The following KRAS variants were observed in gnomAD, a reference collection of about 807,000 sequenced individuals.
The protein encoded by KRAS is GTPase KRas.
In KRAS, 1 loss-of-function variant was observed where a neutral mutation model predicts 21.0. That is an observed-to-expected ratio of 0.05 (90% CI 0.02 to 0.23). The LOEUF (loss-of-function observed/expected upper bound fraction) is 0.23, where lower values mean the gene tolerates loss of function less well. Ranked by LOEUF, KRAS falls within the 10% of genes least tolerant of loss-of-function variation. KRAS has a pLI of 1.00. For synonymous variants in KRAS, 67 were observed against 72.5 expected, an observed-to-expected ratio of 0.92 and a Z score of 0.39; for missense variants, 107 against 221.8, an observed-to-expected ratio of 0.48 and a Z score of 3.29.
At chr12:25,231,480 A>G (rs995586354) in intron 2 of KRAS, among the ~76,000 whole-genome samples, 2 of 152,178 alleles carry the variant, frequency 1.3e-5, no homozygotes, top group African/African-American at 2.4e-5. Context: ...CATTTCAGAT[A>G]AAGAATAGTC....
At chr12:25,211,489 T>A (rs907043392) in intron 4 of KRAS, among the ~76,000 whole-genome samples, 8 of 151,988 alleles carry the variant, frequency 5.3e-5, no homozygotes, top group African/African-American at 1.9e-4. Flanking sequence ...GCAGGAGAAT[T>A]GCTGAACCCG....
chr12:25,244,548 C>A (rs1951652131), intron 2 of KRAS, among the ~76,000 whole-genome samples: 1 of 151,986 alleles, frequency 6.6e-6, no homozygotes, highest in African/African-American at 2.4e-5. Context: ...TACTCCATGA[C>A]CTTCAAGGTG....
At chr12:25,236,685 A>G (rs905291516) in intron 2 of KRAS, among the ~76,000 whole-genome samples, 1 of 152,084 alleles carries the variant, frequency 6.6e-6, no homozygotes, top group Non-Finnish European at 1.5e-5. Context: ...AGACTGGGAG[A>G]TGAGCTACGA....
intron 4 of KRAS, among the ~76,000 whole-genome samples, chr12:25,222,766 A>C (rs1388598667): frequency 1.3e-5 from 2 of 152,236 alleles, no homozygotes; most frequent in Non-Finnish European, 2.9e-5. Context: ...TTTTCTGATC[A>C]AATATGAATG....
intron 1 of KRAS, among the ~76,000 whole-genome samples, chr12:25,246,171 T>C (rs78151755): frequency 9.7e-6 from 1 of 102,844 alleles, no homozygotes. Flanking sequence ...AAAAAAAAAA[T>C]CTCTGGGGAA....
chr12:25,240,799 C>A (rs1449334567), intron 2 of KRAS, among the ~76,000 whole-genome samples: 1 of 152,104 alleles, frequency 6.6e-6, no homozygotes, highest in Non-Finnish European at 1.5e-5. Context: ...AAAACCATGA[C>A]CAGTAAAGTT....
intron 2 of KRAS, chr12:25,235,236 A>C: frequency 1.8e-6 from 1 of 564,706 alleles, no homozygotes; most frequent in Non-Finnish European, 3.4e-6. Flanking sequence ...CCTGTAGGAA[A>C]AGATGAGAAA....
intron 1 of KRAS, 72 bp downstream of exon 1, chr12:25,250,679 C>G (rs1012945244): frequency 5.6e-6 from 1 of 176,998 alleles, no homozygotes; most frequent in Admixed American, 6.3e-5. Context: ...CACTCGCCGC[C>G]GGCCCCGCCC....
chr12:25,217,532 T>C (rs1951269540), intron 4 of KRAS, among the ~76,000 whole-genome samples: 1 of 152,120 alleles, frequency 6.6e-6, no homozygotes, highest in South Asian at 2.1e-4. Context: ...CAGTCTTATC[T>C]TATTTTTAAT....
intron 2 of KRAS, among the ~76,000 whole-genome samples, chr12:25,237,124 T>C (rs542793484): frequency 2.0e-5 from 3 of 152,248 alleles, no homozygotes; most frequent in Admixed American, 2.0e-4. Context: ...TATCATCCTG[T>C]GTGGAGGATG....
chr12:25,217,771 G>C (rs1951272235), intron 4 of KRAS, among the ~76,000 whole-genome samples: 1 of 152,138 alleles, frequency 6.6e-6, no homozygotes, highest in African/African-American at 2.4e-5. Flanking sequence ...GCATGAGCCT[G>C]AAGTCCCAGC....
At chr12:25,239,928 G>A (rs181732455) in intron 2 of KRAS, among the ~76,000 whole-genome samples, 126 of 151,900 alleles carry the variant, frequency 8.3e-4, no homozygotes, top group African/African-American at 2.9e-3. Flanking sequence ...ACTCCAGCCT[G>A]GGCAACAGAG....
rs1025469362 is a variant in KRAS, at chr12:25,208,065, T to C, written c.*1730A>G. On this transcript the variant is annotated 3_prime_UTR_variant, in exon 5 of 5. Transcript: ENST00000311936. Reference sequence around the variant, plus strand: ...CCTCTTGCACAATTTTGCCCAAGACTGGCACTGAAGATGGTGTAACATAGG... The same window carrying C: ...CCTCTTGCACAATTTTGCCCAAGACCGGCACTGAAGATGGTGTAACATAGG... 8.6e-5 allele frequency: 20 copies of C among 233,338 alleles called. No homozygotes were observed. The highest frequency in any genetic ancestry group is 3.8e-4 in the African/African-American group (17 of 45,330). 14.5% of individuals were successfully genotyped at this position (233,338 alleles called of 1,614,324 possible). A position where few individuals can be genotyped will look rare whatever the true frequency, so the allele number is the denominator to read the frequency against.
In KRAS at chr12:25,218,956, T is replaced by G. The variant is rs1015807099; in HGVS notation, c.450+6658A>C. On this transcript the variant is annotated intron_variant, in intron 4 of 4. Coordinates refer to ENST00000311936, the MANE Select transcript of KRAS (RefSeq NM_004985.5). ...CTTTTTCTTTTTTTGTTTTTTTTTT[T>G]TGAGATGGAGTCTCGCTCTGCCGCC... Among the ~76,000 whole-genome samples, 167 of 137,372 alleles carry G rather than the reference T, an allele frequency of 1.2e-3. 1 individual carries two copies. The highest frequency in any genetic ancestry group is 2.3e-3 in the Non-Finnish European group (145 of 62,248). The allele number at this position is 137,372 out of a possible 152,430, so 90.1% of individuals were successfully genotyped here. A position where few individuals can be genotyped will look rare whatever the true frequency, so the allele number is the denominator to read the frequency against.
In KRAS at chr12:25,209,925, A is replaced by T; in HGVS notation, c.451-14T>A. ...ATCATCAACACCCTGAAATACATAAAAAGTATTAAAATGTGAATATATACG... is the reference window on the plus strand; with the variant it reads ...ATCATCAACACCCTGAAATACATAATAAGTATTAAAATGTGAATATATACG... On this transcript the variant is annotated splice_polypyrimidine_tract_variant and intron_variant, in intron 4 of 4. Coordinates refer to ENST00000311936, the MANE Select transcript of KRAS (RefSeq NM_004985.5). 6.3e-7 allele frequency: 1 copy of T among 1,591,390 alleles called. No homozygotes were observed. The highest frequency in any genetic ancestry group is 1.4e-5 in the African/African-American group (1 of 73,960).
chr12:25,240,068 C>A (rs1951592063), intron 2 of KRAS, among the ~76,000 whole-genome samples: 1 of 152,062 alleles, frequency 6.6e-6, no homozygotes, highest in Admixed American at 6.6e-5. Flanking sequence ...AAATTTCAAA[C>A]CTATAGAAAA....
At chr12:25,240,104 GC>G (rs1951592478) in intron 2 of KRAS, among the ~76,000 whole-genome samples, 1 of 151,994 alleles carries the variant, frequency 6.6e-6, no homozygotes. Flanking sequence ...ACAGCGAATA[GC>G]CTCAGCCTCC....
chr12:25,231,076 G>GCTGCCACCTCA (rs1267651676), intron 2 of KRAS, among the ~76,000 whole-genome samples: 1 of 143,714 alleles, frequency 7.0e-6, no homozygotes, highest in African/African-American at 2.6e-5. Context: ...CCTACCTATT[G>GCTGCCACCTCA]CTGCCACCTC....
chr12:25,238,884 A>G (rs1396281083), intron 2 of KRAS, among the ~76,000 whole-genome samples: 4 of 152,224 alleles, frequency 2.6e-5, no homozygotes, highest in African/African-American at 7.2e-5. Flanking sequence ...TACATCTTAA[A>G]CATTTATCCA....
Sources: allele counts gnomAD v4.1 joint callset (sites outside exome capture counted in the v4.1 genomes callset), GRCh38; gene constraint gnomAD v4.1.1; transcripts MANE v1.5; gene names NCBI Gene and HGNC (gene_info 2026-07-23, HGNC 2026-07-21).